Variants in BEST3 observed in about 807,000 individuals in gnomAD.
The protein encoded by BEST3 is bestrophin-3.
BEST3 carries 50 observed loss-of-function variants against 47.1 expected under a neutral mutation model. That is an observed-to-expected ratio of 1.06 (90% CI 0.85 to 1.34). The LOEUF is 1.34. Among genes scored for constraint, BEST3 ranks in the 40% most tolerant of loss-of-function variants. The pLI is 0.00. For synonymous variants in BEST3, 282 were observed against 298.8 expected (o/e 0.94, Z 0.58); for missense variants, 765 against 817.0 (o/e 0.94, Z 0.78).
chr12:69,674,336 C>T (rs1383666747), intron 7 of BEST3, among the ~76,000 whole-genome samples: 10 of 152,056 alleles, frequency 6.6e-5, no homozygotes, highest in African/African-American at 9.7e-5. Flanking sequence ...TAAAAAAACC[C>T]GATTGATGCC....
rs118064882 is a variant in BEST3, at chr12:69,643,923, C to A, written c.1101-136G>T. 1.1e-3 allele frequency: 547 copies of A among 504,058 alleles called. 4 individuals are homozygous for A. The East Asian group carries it at 0.017, about 16-fold the overall frequency. The allele number at this position is 504,058 out of a possible 1,614,324, so 31.2% of individuals were successfully genotyped here. A position where few individuals can be genotyped will look rare whatever the true frequency, so the allele number is the denominator to read the frequency against. On this transcript the variant is annotated intron_variant, in intron 9 of 9. Coordinates refer to the BEST3 transcript ENST00000331471. ...TTAATGTAATTTCAGTGTTCTGAAG[C>A]ATGGTCCCAGAACCTAAAAACCTCA...
chr12:69,675,634 A>G (rs1884864770), intron 7 of BEST3, among the ~76,000 whole-genome samples: 1 of 152,218 alleles, frequency 6.6e-6, no homozygotes, highest in South Asian at 2.1e-4. Flanking sequence ...GCTAAAGTCT[A>G]CTTTTTCCTC....
intron 8 of BEST3, among the ~76,000 whole-genome samples, chr12:69,672,417 C>A (rs1393673717): frequency 1.3e-5 from 2 of 152,206 alleles, no homozygotes; most frequent in African/African-American, 4.8e-5. Context: ...GCATTTCATG[C>A]AGATTTGAGA....
At chr12:69,694,188 G>T in intron 3 of BEST3, 182 bp downstream of exon 3, 1 of 575,328 alleles carries the variant, frequency 1.7e-6, no homozygotes, top group Non-Finnish European at 3.1e-6. Context: ...CCTCAAACTT[G>T]TTTGGTGTTA....
intron 9 of BEST3, chr12:69,660,307 G>A (rs532727313): frequency 6.6e-6 from 1 of 152,200 alleles, no homozygotes; most frequent in African/African-American, 2.4e-5. Context: ...CTCAGACAGG[G>A]TTGGAGGAGA....
chr12:69,664,679 T>C (rs1884078497), intron 9 of BEST3, among the ~76,000 whole-genome samples: 1 of 147,636 alleles, frequency 6.8e-6, no homozygotes, highest in South Asian at 2.1e-4. Flanking sequence ...ATCTAACATA[T>C]AAAATATTAT....
At chr12:69,679,829 C>A (rs1885131927) in intron 4 of BEST3, among the ~76,000 whole-genome samples, 3 of 152,142 alleles carry the variant, frequency 2.0e-5, no homozygotes. Context: ...CCACTGCACT[C>A]CAGCCCAGGC....
intron 4 of BEST3, among the ~76,000 whole-genome samples, chr12:69,680,327 T>TTTTTTTTTTTTTTTTTC (rs1592357827): frequency 6.9e-6 from 1 of 145,490 alleles, no homozygotes; most frequent in Non-Finnish European, 1.5e-5. Flanking sequence ...TTTTTTTTTT[T>TTTTTTTTTTTTTTTTTC]AGATGGAGTC....
At chr12:69,668,301 G>C (rs973740495) in intron 9 of BEST3, among the ~76,000 whole-genome samples, 1 of 152,164 alleles carries the variant, frequency 6.6e-6, no homozygotes, top group Non-Finnish European at 1.5e-5. Context: ...ACACCTTAAA[G>C]AGAATAAGAA....
intron 9 of BEST3, among the ~76,000 whole-genome samples, chr12:69,669,353 TC>T (rs1280471459): frequency 2.0e-5 from 3 of 152,236 alleles, no homozygotes; most frequent in African/African-American, 4.8e-5. Context: ...TTCTAGCAGA[TC>T]GAGTTAAACC....
chr12:69,685,503 G>T (rs1304093969), intron 4 of BEST3, among the ~76,000 whole-genome samples: 2 of 152,122 alleles, frequency 1.3e-5, no homozygotes, highest in African/African-American at 4.8e-5. Context: ...CTGATGCCCA[G>T]GTTGCTCTAC....
intron 1 of BEST3, among the ~76,000 whole-genome samples, chr12:69,698,126 C>T (rs1038952430): frequency 1.3e-5 from 2 of 151,980 alleles, no homozygotes; most frequent in African/African-American, 4.8e-5. Flanking sequence ...CAAACAAGGC[C>T]CTCGTGAGAA....
chr12:69,672,889 A>G lies in BEST3; in HGVS notation c.944T>C (p.Leu315Ser), dbSNP rs775829530. ...AGAAAGAAAAATTCCTCTAACCTGC[A>G]AATTTCTGTCAATGCACCAGTTAGT... is the stretch of plus-strand genomic sequence containing the variant. ...FETNWCIDRN[L>S]QVSLLAVDEM... Residue 315 changes from leucine to serine, a missense_variant, in exon 8 of 10, where the codon TTG becomes TCG. Transcript: ENST00000330891. 9.9e-6 allele frequency: 16 copies of G among 1,609,110 alleles called. No individual in the cohort carries two copies. The African/African-American group carries it at 1.5e-4, about 15-fold the overall frequency.
chr12:69,677,347 T>A, intron 5 of BEST3, 90 bp from the exon 6 acceptor site: 1 of 1,161,094 alleles, frequency 8.6e-7, no homozygotes, highest in Non-Finnish European at 1.3e-6. Context: ...GCATGTCTTT[T>A]ACAGGACTGA....
chr12:69,667,508 C>T (rs1449638366), intron 9 of BEST3, among the ~76,000 whole-genome samples: 2 of 152,080 alleles, frequency 1.3e-5, no homozygotes, highest in African/African-American at 4.8e-5. Flanking sequence ...GTTGGCCAGG[C>T]TGGTCTCGAA....
At chr12:69,651,140 C>T (rs1180748645), downstream of BEST3, among the ~76,000 whole-genome samples, 2 of 152,146 alleles carry the variant, frequency 1.3e-5, no homozygotes, top group East Asian at 1.9e-4. Context: ...ATAAGTAGAT[C>T]CTGGCAAACA....
At chr12:69,650,590 G>T (rs1593125915), downstream of BEST3, among the ~76,000 whole-genome samples, 1 of 152,288 alleles carries the variant, frequency 6.6e-6, no homozygotes, top group South Asian at 2.1e-4. Flanking sequence ...AGTTGTAGTT[G>T]TTCTTTCTAA....
downstream of BEST3, among the ~76,000 whole-genome samples, chr12:69,649,088 G>A (rs1401893659): frequency 6.6e-6 from 1 of 152,140 alleles, no homozygotes; most frequent in African/African-American, 2.4e-5. Context: ...TCTGCCTCCC[G>A]GGTTCAAGTG....
In BEST3 at chr12:69,655,698, A is replaced by T. The variant is rs762707351; in HGVS notation, c.1216T>A (p.Ser406Thr). 1.6e-5 allele frequency: 26 copies of T among 1,613,628 alleles called. 1 individual carries two copies. The East Asian group carries it at 5.6e-4, about 35-fold the overall frequency. Residue 406 changes from serine (S) to threonine (T), a missense_variant, in exon 10 of 10, where the codon TCC becomes ACC. By Grantham distance (58) the Ser-to-Thr change is moderately conservative. Coordinates refer to ENST00000330891, the MANE Select transcript of BEST3 (RefSeq NM_032735.3). ...CTGTAGCTTCTTCTTCTGGGGCTGGAGGGGTGTTCGTGGGCACTCAGGAAC... is the reference window on the plus strand; with the variant it reads ...CTGTAGCTTCTTCTTCTGGGGCTGGTGGGGTGTTCGTGGGCACTCAGGAAC... ...KRFLSAHEHP[S>T]SPRRRSYRRQ...
Sources: allele counts gnomAD v4.1 joint callset (sites outside exome capture counted in the v4.1 genomes callset), GRCh38; gene constraint gnomAD v4.1.1; transcripts MANE v1.5; gene names NCBI Gene and HGNC (gene_info 2026-07-23, HGNC 2026-07-21).